Variants in PCDH11X observed in about 807,000 individuals in gnomAD.
PCDH11X encodes the protein protocadherin-11 X-linked.
In PCDH11X, 18 loss-of-function variants were observed where a neutral mutation model predicts 53.3. That is an observed-to-expected ratio of 0.34 (90% CI 0.23 to 0.50). The LOEUF (loss-of-function observed/expected upper bound fraction) is 0.50, where lower values mean the gene tolerates loss of function less well. PCDH11X is among the 20% of genes least tolerant of loss of function. The pLI, the probability that PCDH11X is intolerant of heterozygous loss-of-function variation, is 0.98. For missense variants in PCDH11X, 570 were observed against 1,032.4 expected, an observed-to-expected ratio of 0.55 and a Z score of 6.14; for synonymous variants, 279 against 393.3, an observed-to-expected ratio of 0.71 and a Z score of 3.44.
intron 1 of PCDH11X, among the ~76,000 whole-genome samples, chrX:91,782,157 C>G (rs1049221737): frequency 8.9e-6 from 1 of 112,557 alleles, no homozygotes; most frequent in African/African-American, 3.2e-5. Flanking sequence ...TTCGGCCTCT[C>G]CTGGGTCCCG....
intron 6 of PCDH11X, among the ~76,000 whole-genome samples, chrX:91,880,955 T>C (rs1353637856): frequency 1.8e-5 from 2 of 110,569 alleles, no homozygotes; most frequent in African/African-American, 6.6e-5. Context: ...TAATAACATT[T>C]TTTCCTGGGT....
In PCDH11X at chrX:92,580,872, C is replaced by T. The variant is rs765543830; in HGVS notation, c.3368-37392C>T. ...TCTCTTGGGTGGAGGTGGGAGCTCC[C>T]CTTGCCCCGTGTGGCTCCTGGGTGG... On this transcript the variant is annotated intron_variant, in intron 10 of 10. Coordinates refer to ENST00000682573, the MANE Select transcript of PCDH11X (RefSeq NM_032968.5). Among the ~76,000 whole-genome samples the T allele has an allele frequency of 2.7e-5, 3 of 110,954 alleles. No individual in the cohort carries two copies. The South Asian group carries it at 1.2e-3, about 44-fold the overall frequency.
chrX:92,467,794 A>G, intron 9 of PCDH11X, among the ~76,000 whole-genome samples: 1 of 111,659 alleles, frequency 9.0e-6, no homozygotes, highest in Middle Eastern at 4.6e-3. Context: ...CTACTGGGCC[A>G]TTCTCATGCT....
intron 8 of PCDH11X, among the ~76,000 whole-genome samples, chrX:92,308,788 A>T: frequency 9.0e-6 from 1 of 111,622 alleles, no homozygotes; most frequent in Non-Finnish European, 1.9e-5. Context: ...TACAACAACA[A>T]CAACAAAACT....
At chrX:92,242,588 G>T (rs1313126592) in intron 7 of PCDH11X, among the ~76,000 whole-genome samples, 2 of 111,616 alleles carry the variant, frequency 1.8e-5, no homozygotes, top group Non-Finnish European at 3.8e-5. Flanking sequence ...GAACATTAGT[G>T]TACAATCTTT....
rs201442219 is a variant in PCDH11X at position 92,147,115 on chromosome X, T to TATG, written c.3034-54258_3034-54257insGAT. Among the ~76,000 whole-genome samples, 21 of 98,137 alleles carry TATG rather than the reference T, an allele frequency of 2.1e-4. No homozygotes were observed. In the East Asian group the frequency reaches 5.6e-3, roughly 26 times the overall value. The allele number at this position is 98,137 out of a possible 115,157, so 85.2% of individuals were successfully genotyped here. The stretch of plus-strand genomic sequence containing the variant: ...GAAATAAATAGCTCAGTAGAGACAT[T>TATG]ATTATTATTATTATTATTAGTTTAC... On this transcript the variant is annotated intron_variant, in intron 6 of 10. Coordinates refer to ENST00000682573, the MANE Select transcript of PCDH11X (RefSeq NM_032968.5).
chrX:92,545,387 C>CTTTTT (rs566573698), intron 10 of PCDH11X, among the ~76,000 whole-genome samples: 2 of 66,044 alleles, frequency 3.0e-5, no homozygotes, highest in African/African-American at 1.2e-4. Context: ...GGTTAAATTC[C>CTTTTT]TTTTTTTTTT....
At chrX:92,526,769 C>T (rs2148721735) in intron 10 of PCDH11X, among the ~76,000 whole-genome samples, 1 of 100,467 alleles carries the variant, frequency 1.0e-5, no homozygotes, top group African/African-American at 3.6e-5. Context: ...ATCCAGCAAT[C>T]CCATTGCTTG....
At chrX:92,163,258 C>T (rs1380428142) in intron 6 of PCDH11X, among the ~76,000 whole-genome samples, 6 of 110,362 alleles carry the variant, frequency 5.4e-5, no homozygotes, top group Non-Finnish European at 1.1e-4. Context: ...CCCAGGCTAC[C>T]AGCCTCCCCA....
At chrX:92,580,845 C>A (rs1454684543) in intron 10 of PCDH11X, among the ~76,000 whole-genome samples, 1 of 111,163 alleles carries the variant, frequency 9.0e-6, no homozygotes, top group East Asian at 2.8e-4. Flanking sequence ...TCACTCACTG[C>A]CTCTCTTGGG....
chrX:91,840,712 C>G (rs1937495800), intron 5 of PCDH11X, among the ~76,000 whole-genome samples: 1 of 110,342 alleles, frequency 9.1e-6, no homozygotes, highest in Admixed American at 9.8e-5. Context: ...AAAGAGCAAG[C>G]AAACTTTGTT....
chrX:91,786,447 C>A (rs934184960), intron 1 of PCDH11X, among the ~76,000 whole-genome samples: 2 of 93,758 alleles, frequency 2.1e-5, no homozygotes, highest in African/African-American at 7.8e-5. Context: ...TTTAATTAAA[C>A]TAAAGGAAAA....
At chrX:92,494,540 T>C (rs1385579536) in intron 10 of PCDH11X, among the ~76,000 whole-genome samples, 2 of 111,767 alleles carry the variant, frequency 1.8e-5, no homozygotes, top group African/African-American at 6.5e-5. Flanking sequence ...GAGGCTGATA[T>C]TTGATTTTCT....
intron 6 of PCDH11X, among the ~76,000 whole-genome samples, chrX:92,002,083 C>T (rs1379254202): frequency 9.6e-6 from 1 of 103,859 alleles, no homozygotes; most frequent in African/African-American, 3.5e-5. Flanking sequence ...TGGTATATGG[C>T]AAGAGATAGA....
rs939113658 is a variant in PCDH11X, at chrX:92,078,378, C to T, written c.3034-122997C>T. On this transcript the variant is annotated intron_variant, in intron 6 of 10. Transcript: ENST00000682573. ...CAGAGAATGTATGCATTTTAGGCAA[C>T]TTTTGCTCTACTTTTTGAAACTCAA... 4.5e-5 allele frequency among the ~76,000 whole-genome samples: 5 copies of T among 111,190 alleles called. No individual in the cohort carries two copies. The Admixed American group carries it at 4.8e-4, about 11-fold the overall frequency.
chrX:92,153,413 AAAT>A (rs1374136781), intron 6 of PCDH11X, among the ~76,000 whole-genome samples: 3 of 111,465 alleles, frequency 2.7e-5, no homozygotes, highest in African/African-American at 6.5e-5. Flanking sequence ...TTTAGCCTAG[AAAT>A]AATAATTAAT....
chrX:92,288,499 G>A (rs1439620204), intron 8 of PCDH11X, among the ~76,000 whole-genome samples: 2 of 108,548 alleles, frequency 1.8e-5, no homozygotes, highest in Non-Finnish European at 3.8e-5. Context: ...AGCCTCCTGA[G>A]TAGCTGGTAC....
chrX:92,209,620 G>A (rs1013650052), intron 7 of PCDH11X, among the ~76,000 whole-genome samples: 3 of 111,736 alleles, frequency 2.7e-5, no homozygotes, highest in African/African-American at 6.5e-5. Context: ...TTTTCTAGGT[G>A]CACAGGGCAA....
chrX:92,576,995 A>C lies in PCDH11X; in HGVS notation c.3368-41269A>C, dbSNP rs1053916370. Among the ~76,000 whole-genome samples the C allele has an allele frequency of 2.7e-5, 3 of 109,236 alleles. No homozygotes were observed. The Admixed American group carries it at 3.0e-4, about 11-fold the overall frequency. 94.9% of individuals were successfully genotyped at this position (109,236 alleles called of 115,157 possible). A position where few individuals can be genotyped will look rare whatever the true frequency, so the allele number is the denominator to read the frequency against. ...TTTCCTGTAGCATTTCTTGCAGGGC[A>C]GTTCTGGTATTTATTATATTCTTTA... On this transcript the variant is annotated intron_variant, in intron 10 of 10. Coordinates refer to ENST00000682573, the MANE Select transcript of PCDH11X (RefSeq NM_032968.5).
Sources: gnomAD v4.1 joint callset for allele counts (sites outside exome capture counted in the v4.1 genomes callset) on GRCh38, gnomAD v4.1.1 for gene constraint, MANE v1.5 for transcripts, NCBI Gene and HGNC (gene_info 2026-07-23, HGNC 2026-07-21) for gene names.